ZNF423: variants seen among roughly 807,000 people sequenced by gnomAD.
ZNF423 encodes zinc finger protein 423.
A neutral mutation model predicts 95.8 loss-of-function variants in ZNF423; 12 were observed. The observed-to-expected ratio is 0.13, with a 90% CI of 0.08 to 0.20. The LOEUF (loss-of-function observed/expected upper bound fraction) is 0.20, where lower values mean the gene tolerates loss of function less well. Among genes scored for constraint, ZNF423 ranks in the 10% least tolerant of loss-of-function variants. ZNF423 has a pLI of 1.00. For missense variants in ZNF423, 1,316 were observed against 1,737.1 expected, an observed-to-expected ratio of 0.76 and a Z score of 4.31; for synonymous variants, 749 against 711.9, an observed-to-expected ratio of 1.05 and a Z score of -0.83.
At position 49,635,589 on chromosome 16, in the gene ZNF423, G is replaced by C; in HGVS notation, c.3516+71C>G. ...CTTGGAAACACGGCACTCAGGGTAC[G>C]TGGCTCCTGTGGGGACCAGAGGAGC... On this transcript the variant is annotated intron_variant, in intron 4 of 7. Transcript: ENST00000563137. This position sits in a 1 kb window ranked among gnomAD's most constrained non-coding sequence, Gnocchi z 4.8. 6.7e-7 allele frequency: 1 copy of C among 1,491,438 alleles called. No homozygotes were observed. The highest frequency in any genetic ancestry group is 8.9e-7 in the Non-Finnish European group (1 of 1,121,558). The allele number at this position is 1,491,438 out of a possible 1,614,324, so 92.4% of individuals were successfully genotyped here. A position where few individuals can be genotyped will look rare whatever the true frequency, so the allele number is the denominator to read the frequency against.
chr16:49,583,499 C>A (rs1317581698), intron 5 of ZNF423, among the ~76,000 whole-genome samples: 2 of 152,170 alleles, frequency 1.3e-5, no homozygotes, highest in African/African-American at 4.8e-5. Context: ...TTAAGCCTAT[C>A]AATTTTATTC....
chr16:49,597,377 C>T (rs973681533), intron 5 of ZNF423, among the ~76,000 whole-genome samples: 1 of 152,172 alleles, frequency 6.6e-6, no homozygotes, highest in Non-Finnish European at 1.5e-5. Context: ...GTCCAAAATA[C>T]ACACCATATT....
intron 5 of ZNF423, among the ~76,000 whole-genome samples, chr16:49,580,754 G>A (rs776593111): frequency 6.6e-6 from 1 of 152,062 alleles, no homozygotes; most frequent in Admixed American, 6.5e-5. Flanking sequence ...TTCCACATTC[G>A]AGGGTAGAAA....
intron 1 of ZNF423, among the ~76,000 whole-genome samples, chr16:49,797,457 T>C (rs917838087): frequency 2.0e-5 from 3 of 152,230 alleles, no homozygotes; most frequent in African/African-American, 7.2e-5. Context: ...ATCTTTGGCA[T>C]CACGCTCCTA....
intron 1 of ZNF423, among the ~76,000 whole-genome samples, chr16:49,828,144 G>C (rs2035025679): frequency 6.6e-6 from 1 of 152,124 alleles, no homozygotes; most frequent in African/African-American, 2.4e-5. Flanking sequence ...CCAAATTCAG[G>C]CATTTTTCTT....
chr16:49,503,934 A>G (rs974817745), intron 7 of ZNF423, among the ~76,000 whole-genome samples: 1 of 152,346 alleles, frequency 6.6e-6, no homozygotes, highest in Non-Finnish European at 1.5e-5. Flanking sequence ...TGCCCCGGCC[A>G]TGCCCAGAGC....
At chr16:49,832,221 C>T (rs2035068207) in intron 1 of ZNF423, among the ~76,000 whole-genome samples, 1 of 152,158 alleles carries the variant, frequency 6.6e-6, no homozygotes, top group African/African-American at 2.4e-5. Context: ...TTATTCTGGG[C>T]CCACTTAACT....
intron 1 of ZNF423, among the ~76,000 whole-genome samples, chr16:49,793,482 A>T (rs2034448971): frequency 6.6e-6 from 1 of 152,246 alleles, no homozygotes. Context: ...AGACGTCCCT[A>T]GCTCCATGTC....
At chr16:49,529,792 G>A (rs1018487345) in intron 5 of ZNF423, among the ~76,000 whole-genome samples, 3 of 152,104 alleles carry the variant, frequency 2.0e-5, no homozygotes, top group South Asian at 2.1e-4. Context: ...AGGGAGGAGC[G>A]GCGGGCTGCA....
At chr16:49,579,729 A>T (rs1970608453) in intron 5 of ZNF423, among the ~76,000 whole-genome samples, 1 of 152,166 alleles carries the variant, frequency 6.6e-6, no homozygotes, top group South Asian at 2.1e-4. Flanking sequence ...AAGGACCACC[A>T]TAAAGGGTTC....
chr16:49,641,724 T>A (rs1488770890), intron 3 of ZNF423, among the ~76,000 whole-genome samples: 1 of 152,172 alleles, frequency 6.6e-6, no homozygotes, highest in East Asian at 1.9e-4. Flanking sequence ...AAAAAGGGAA[T>A]CACTGGGAGG....
chr16:49,549,677 T>A (rs575079363), intron 5 of ZNF423, among the ~76,000 whole-genome samples: 1 of 152,292 alleles, frequency 6.6e-6, no homozygotes, highest in Admixed American at 6.5e-5. Context: ...AATTCACACA[T>A]CCGGTCCTTG....
chr16:49,491,023 G>T lies in ZNF423; in HGVS notation c.*252C>A. On this transcript the variant is annotated 3_prime_UTR_variant, in exon 8 of 8. Transcript: ENST00000563137. Reference sequence around the variant, plus strand: ...AGGTTTCTCTAACTCTAGAAATGTAGTCTGCGGCGGAAAGTCTAAAAGCAC... The same window carrying T: ...AGGTTTCTCTAACTCTAGAAATGTATTCTGCGGCGGAAAGTCTAAAAGCAC... 1 of 510,764 alleles carries T rather than the reference G, an allele frequency of 2.0e-6. No homozygotes were observed. The highest frequency in any genetic ancestry group is 3.5e-6 in the Non-Finnish European group (1 of 284,130). The allele number at this position is 510,764 out of a possible 1,614,324, so 31.6% of individuals were successfully genotyped here.
At chr16:49,786,227 C>T (rs942706739) in intron 2 of ZNF423, among the ~76,000 whole-genome samples, 5 of 152,248 alleles carry the variant, frequency 3.3e-5, no homozygotes, top group Admixed American at 2.0e-4. Flanking sequence ...CTCTCCATCA[C>T]TGTCAGGGCC....
chr16:49,699,918 C>G (rs945057016), intron 3 of ZNF423, among the ~76,000 whole-genome samples: 3 of 152,016 alleles, frequency 2.0e-5, no homozygotes, highest in African/African-American at 7.3e-5. Flanking sequence ...AAATAGTGGA[C>G]CCCACCCCAC....
chr16:49,719,386 A>T (rs2143241775), intron 3 of ZNF423, among the ~76,000 whole-genome samples: 1 of 152,358 alleles, frequency 6.6e-6, no homozygotes, highest in South Asian at 2.1e-4. Flanking sequence ...AATAAAGAAA[A>T]GACCTTGTTA....
intron 5 of ZNF423, among the ~76,000 whole-genome samples, chr16:49,599,866 G>T (rs942007375): frequency 2.0e-5 from 3 of 152,216 alleles, no homozygotes; most frequent in African/African-American, 7.2e-5. Flanking sequence ...GGGTACAGGG[G>T]TATCAGCTAG....
intron 1 of ZNF423, chr16:49,822,651 C>A (rs749587483): frequency 6.2e-7 from 1 of 1,605,710 alleles, no homozygotes; most frequent in East Asian, 2.3e-5. Flanking sequence ...CCCCTCAGCC[C>A]AAGGCCTCCC....
chr16:49,824,271 C>T (rs2034981674), intron 1 of ZNF423, among the ~76,000 whole-genome samples: 2 of 152,106 alleles, frequency 1.3e-5, no homozygotes, highest in Non-Finnish European at 2.9e-5. Flanking sequence ...TCAGAGTCCT[C>T]CCAGCAGTCC....
Sources: allele counts gnomAD v4.1 joint callset (sites outside exome capture counted in the v4.1 genomes callset), GRCh38; gene constraint gnomAD v4.1.1; non-coding constraint Gnocchi (gnomAD v3.1); transcripts MANE v1.5; gene names NCBI Gene and HGNC (gene_info 2026-07-23, HGNC 2026-07-21).